Variants in CFAP54 observed in about 807,000 individuals in gnomAD.
The protein encoded by CFAP54 is cilia- and flagella-associated protein 54.
A neutral mutation model predicts 370.4 loss-of-function variants in CFAP54; 290 were observed. The ratio of observed to expected loss-of-function variants is 0.78; its 90% CI spans 0.71 to 0.86. CFAP54 has a LOEUF of 0.86. Ranked by LOEUF, CFAP54 falls within the 40% of genes least tolerant of loss-of-function variation. The pLI, the probability that CFAP54 is intolerant of heterozygous loss-of-function variation, is 0.00. For synonymous variants in CFAP54, 1,206 were observed against 1,236.5 expected (o/e 0.98, Z 0.52); for missense variants, 3,399 against 3,528.7 (o/e 0.96, Z 0.93).
At chr12:96,748,829 T>C (rs1958149837) in intron 55 of CFAP54, among the ~76,000 whole-genome samples, 1 of 152,218 alleles carries the variant, frequency 6.6e-6, no homozygotes, top group Admixed American at 6.5e-5. Context: ...TCTGGGTATA[T>C]GCCTTTTCTT....
chr12:96,720,341 A>AG (rs1957733892), intron 49 of CFAP54, 64 bp from the exon 50 acceptor site: 5 of 1,257,892 alleles, frequency 4.0e-6, no homozygotes, highest in Non-Finnish European at 5.1e-6. Flanking sequence ...TATTTGCTAA[A>AG]GAAGAAAGAG....
At chr12:96,505,819 G>A (rs79502906) in intron 3 of CFAP54, among the ~76,000 whole-genome samples, 1,991 of 149,538 alleles carry the variant, frequency 0.013, 60 homozygotes, top group African/African-American at 0.048. Context: ...TTCAGTGACC[G>A]CAGCAGTCCC....
Position 96,598,704 on chromosome 12 carries a change from A to G in CFAP54, c.3576A>G (p.Lys1192=). 2 of 683,176 alleles carry G rather than the reference A, an allele frequency of 2.9e-6. No homozygotes were observed. Among genetic ancestry groups the G allele is most frequent in the Non-Finnish European group, 5.3e-6 (2 of 373,902 alleles). 42.3% of individuals were successfully genotyped at this position (683,176 alleles called of 1,614,324 possible). A position where few individuals can be genotyped will look rare whatever the true frequency, so the allele number is the denominator to read the frequency against. ...TACCAAGTATTGTCTGCTCGAAGAA[A>G]CATACTGCGAGCTTTGAAAGTATAC... ...QGLPSIVCSK[K]HTASFESIQH... The change falls in exon 26 of 68, where the codon AAA becomes AAG. Residue 1192 remains lysine (K), a synonymous_variant. Coordinates refer to ENST00000524981, the MANE Select transcript of CFAP54 (RefSeq NM_001306084.2).
At chr12:96,871,847 TTATC>T (rs1201305052) in intron 67 of CFAP54, among the ~76,000 whole-genome samples, 2 of 152,040 alleles carry the variant, frequency 1.3e-5, no homozygotes, top group Admixed American at 6.6e-5. Context: ...TCAGTAGAAA[TTATC>T]TAAGCACTGA....
intron 66 of CFAP54, among the ~76,000 whole-genome samples, chr12:96,848,797 A>G (rs1036574768): frequency 6.6e-6 from 1 of 152,268 alleles, no homozygotes; most frequent in African/African-American, 2.4e-5. Context: ...AAGTTTTATT[A>G]ACACAAAAGT....
chr12:96,724,537 G>A (rs1232910928), intron 50 of CFAP54, among the ~76,000 whole-genome samples: 1 of 151,974 alleles, frequency 6.6e-6, no homozygotes. Flanking sequence ...TTTTTTTCTT[G>A]TAAATTTGTT....
At chr12:96,838,974 G>C (rs1959195559) in intron 66 of CFAP54, among the ~76,000 whole-genome samples, 1 of 152,192 alleles carries the variant, frequency 6.6e-6, no homozygotes, top group African/African-American at 2.4e-5. Context: ...ACCATTGTCA[G>C]TATGTTAAGA....
chr12:96,642,895 G>A (rs1396005370), intron 32 of CFAP54, among the ~76,000 whole-genome samples: 1 of 152,070 alleles, frequency 6.6e-6, no homozygotes, highest in Non-Finnish European at 1.5e-5. Context: ...AAAGCATTCT[G>A]TACCCTCTGT....
intron 2 of CFAP54, among the ~76,000 whole-genome samples, chr12:96,503,431 T>C (rs531150027): frequency 3.0e-5 from 4 of 131,998 alleles, no homozygotes; most frequent in East Asian, 2.7e-4. Context: ...CTCCCTCCCT[T>C]CCTTCTTTCC....
chr12:96,733,542 G>GT (rs35984233), intron 50 of CFAP54, among the ~76,000 whole-genome samples: 47,172 of 138,646 alleles, frequency 0.34, 8,141 homozygotes, highest in Middle Eastern at 0.37. Context: ...AATCCTGTGG[G>GT]TTTTTTTTTT....
intron 60 of CFAP54, among the ~76,000 whole-genome samples, chr12:96,772,280 G>A (rs1314343115): frequency 1.3e-5 from 2 of 152,116 alleles, no homozygotes; most frequent in Non-Finnish European, 2.9e-5. Flanking sequence ...GGTTCTGGAG[G>A]TCAGAAGTCC....
At chr12:96,633,110 T>C (rs1053206390) in intron 32 of CFAP54, among the ~76,000 whole-genome samples, 1 of 152,104 alleles carries the variant, frequency 6.6e-6, no homozygotes, top group Admixed American at 6.6e-5. Flanking sequence ...TACAGTTTTT[T>C]TGTGTGTGTG....
intron 2 of CFAP54, among the ~76,000 whole-genome samples, chr12:96,501,734 C>T (rs1384119400): frequency 6.6e-6 from 1 of 152,190 alleles, no homozygotes; most frequent in Non-Finnish European, 1.5e-5. Context: ...TCTCTGTTTT[C>T]TGGACTTTAA....
intron 64 of CFAP54, among the ~76,000 whole-genome samples, chr12:96,816,992 A>G (rs2136734777): frequency 6.6e-6 from 1 of 152,158 alleles, no homozygotes; most frequent in Admixed American, 6.5e-5. Context: ...CATTCCCGAC[A>G]CACATGCAAT....
intron 47 of CFAP54, among the ~76,000 whole-genome samples, chr12:96,706,900 C>G (rs1235064527): frequency 6.6e-6 from 1 of 151,916 alleles, no homozygotes; most frequent in Admixed American, 6.6e-5. Flanking sequence ...GGAATTGAGT[C>G]AGAAGTTGAT....
intron 65 of CFAP54, among the ~76,000 whole-genome samples, chr12:96,827,040 T>C (rs1195716667): frequency 7.3e-6 from 1 of 137,750 alleles, no homozygotes; most frequent in East Asian, 2.3e-4. Flanking sequence ...TTATATATAA[T>C]ATGCAATTAT....
At chr12:96,740,961 T>C (rs1039059070) in intron 51 of CFAP54, among the ~76,000 whole-genome samples, 7 of 152,178 alleles carry the variant, frequency 4.6e-5, no homozygotes, top group Non-Finnish European at 1.0e-4. Flanking sequence ...AATAGGTCAG[T>C]AGTGCTGAGG....
chr12:96,874,655 A>G (rs1421115439), intron 67 of CFAP54, among the ~76,000 whole-genome samples: 2 of 84,606 alleles, frequency 2.4e-5, no homozygotes, highest in African/African-American at 5.0e-5. Flanking sequence ...TTTGAGACGG[A>G]GTCTCGCTCT....
chr12:96,753,658 T>C, intron 55 of CFAP54, 85 bp from the exon 56 acceptor site: 1 of 1,307,246 alleles, frequency 7.6e-7, no homozygotes, highest in Non-Finnish European at 1.1e-6. Flanking sequence ...ATTTCATTAC[T>C]GTGAGAGCAG....
Sources: allele counts gnomAD v4.1 joint callset (sites outside exome capture counted in the v4.1 genomes callset), GRCh38; gene constraint gnomAD v4.1.1; transcripts MANE v1.5; gene names NCBI Gene and HGNC (gene_info 2026-07-23, HGNC 2026-07-21).